LPCAT1: variants seen among roughly 807,000 people sequenced by gnomAD.
LPCAT1 encodes the protein lysophosphatidylcholine acyltransferase 1.
A neutral mutation model predicts 60.9 loss-of-function variants in LPCAT1; 23 were observed. The observed-to-expected ratio is 0.38, with a 90% CI of 0.27 to 0.53. The LOEUF is 0.53. Among genes scored for constraint, LPCAT1 ranks in the 20% least tolerant of loss-of-function variants. LPCAT1 has a pLI of 0.82. For synonymous variants in LPCAT1, 340 were observed against 301.1 expected (o/e 1.13, Z -1.34); for missense variants, 622 against 723.6 (o/e 0.86, Z 1.61).
chr5:1,488,191 A>G (rs1735442398), intron 5 of LPCAT1, among the ~76,000 whole-genome samples, 200 bp downstream of exon 5: 1 of 152,198 alleles, frequency 6.6e-6, no homozygotes, highest in South Asian at 2.1e-4. Context: ...TAACTTCTCC[A>G]TCTTCCTGCA....
rs949307220 is a variant in LPCAT1 at position 1,462,855 on chromosome 5, G to A, written c.*796C>T. On this transcript the variant is annotated 3_prime_UTR_variant, in exon 14 of 14. Transcript: ENST00000283415. Reference sequence around the variant, plus strand: ...AACGTTTATAAAAAAAGAGGGGACTGGAAAAGGATTAAGAAAAGCAGAAAA... The same window carrying A: ...AACGTTTATAAAAAAAGAGGGGACTAGAAAAGGATTAAGAAAAGCAGAAAA... The A allele has an allele frequency of 6.6e-6, 1 of 152,174 alleles. No individual in the cohort carries two copies. Among genetic ancestry groups the A allele is most frequent in the African/African-American group, 2.4e-5 (1 of 41,444 alleles). 9.4% of individuals were successfully genotyped at this position (152,174 alleles called of 1,614,324 possible).
rs749066311 is a variant in LPCAT1 at position 1,477,491 on chromosome 5, G to A, written c.817-5C>T. On this transcript the variant is annotated splice_region_variant and splice_polypyrimidine_tract_variant and intron_variant, in intron 8 of 13. Coordinates refer to ENST00000283415, the MANE Select transcript of LPCAT1 (RefSeq NM_024830.5). This position sits in a 1 kb window ranked among gnomAD's most constrained non-coding sequence, Gnocchi z 6.0. ...AGGGCTGTACACAGGAAGGAACTGA[G>A]CACACAGAGAAGCTGCGTTAGTATC... 6 of 1,609,890 alleles carry A rather than the reference G, an allele frequency of 3.7e-6. No homozygotes were observed. The highest frequency in any genetic ancestry group is 5.1e-6 in the Non-Finnish European group (6 of 1,177,132).
intron 13 of LPCAT1, among the ~76,000 whole-genome samples, chr5:1,464,565 A>AAC (rs201706598): frequency 2.0e-5 from 3 of 152,108 alleles, no homozygotes; most frequent in Admixed American, 6.5e-5. Context: ...CACACATGCA[A>AAC]ACACACACAC....
chr5:1,511,249 G>A (rs941714226), intron 1 of LPCAT1, among the ~76,000 whole-genome samples: 4 of 152,326 alleles, frequency 2.6e-5, no homozygotes, highest in Admixed American at 2.0e-4. Context: ...GCTCTGCGGG[G>A]TTGACCTCCC....
At chr5:1,520,017 C>T (rs1736623203) in intron 1 of LPCAT1, among the ~76,000 whole-genome samples, 2 of 152,270 alleles carry the variant, frequency 1.3e-5, no homozygotes, top group African/African-American at 4.8e-5. Context: ...AAGAGCCAGT[C>T]TTACTGAATC....
Position 1,521,733 on chromosome 5 carries a change from C to T in LPCAT1, c.135+1977G>A, listed in dbSNP as rs1034397514. ...TCAAGCCAGGATCTCTGCCTGGCTT[C>T]GGCCCAAGGGAGAACAGCTGCCCAA... On this transcript the variant is annotated intron_variant, in intron 1 of 13. Coordinates refer to ENST00000283415, the MANE Select transcript of LPCAT1 (RefSeq NM_024830.5). The surrounding 1 kb of genome is among the most constrained non-coding windows in gnomAD (Gnocchi z 4.3). Among the ~76,000 whole-genome samples, 5 of 152,124 alleles carry T rather than the reference C, an allele frequency of 3.3e-5. No individual in the cohort carries two copies. Among genetic ancestry groups the T allele is most frequent in the Non-Finnish European group, 5.9e-5 (4 of 68,014 alleles).
chr5:1,473,385 C>T (rs943807783), intron 11 of LPCAT1, among the ~76,000 whole-genome samples: 4 of 152,264 alleles, frequency 2.6e-5, no homozygotes, highest in Admixed American at 6.5e-5. Flanking sequence ...CCCGCCCCTG[C>T]GTGCCACCTC....
chr5:1,474,475 C>T, intron 10 of LPCAT1, 85 bp downstream of exon 10: 2 of 1,512,794 alleles, frequency 1.3e-6, no homozygotes, highest in Non-Finnish European at 9.0e-7. Context: ...CTCAGTTCCC[C>T]TCCCTGCAAC....
At position 1,523,611 on chromosome 5, in the gene LPCAT1, C is replaced by G. The variant is rs1736743136; in HGVS notation, c.135+99G>C. The G allele has an allele frequency of 1.2e-6, 1 of 866,296 alleles. No individual in the cohort carries two copies. The highest frequency in any genetic ancestry group is 5.9e-5 in the Admixed American group (1 of 16,866). The allele number at this position is 866,296 out of a possible 1,614,324, so 53.7% of individuals were successfully genotyped here. The stretch of plus-strand genomic sequence containing the variant: ...GCGGCTCGCAGGGCCGCGCCGCGCC[C>G]CAGGCCCCCTCCCCGGCCCCTCCTC... On this transcript the variant is annotated intron_variant, in intron 1 of 13. Coordinates refer to ENST00000283415, the MANE Select transcript of LPCAT1 (RefSeq NM_024830.5). This position sits in a 1 kb window ranked among gnomAD's most constrained non-coding sequence, Gnocchi z 7.1.
chr5:1,473,893 C>A (rs1734789454), intron 11 of LPCAT1, 64 bp downstream of exon 11: 8 of 1,566,650 alleles, frequency 5.1e-6, no homozygotes, highest in African/African-American at 1.4e-5. Flanking sequence ...AGAATGAGAA[C>A]AATTTATGCT....
intron 1 of LPCAT1, among the ~76,000 whole-genome samples, chr5:1,515,867 T>C (rs569608290): frequency 1.1e-4 from 17 of 152,134 alleles, no homozygotes; most frequent in African/African-American, 4.1e-4. Flanking sequence ...TCCCTGGCTA[T>C]GGGAGACCCT....
At chr5:1,466,407 A>G (rs1266447092) in intron 13 of LPCAT1, among the ~76,000 whole-genome samples, 2 of 152,070 alleles carry the variant, frequency 1.3e-5, no homozygotes, top group Non-Finnish European at 2.9e-5. Context: ...GGCAGTGACA[A>G]AGCCCACAGC....
intron 1 of LPCAT1, among the ~76,000 whole-genome samples, chr5:1,513,772 C>T (rs1383769503): frequency 6.8e-6 from 1 of 147,452 alleles, no homozygotes; most frequent in Middle Eastern, 3.5e-3. Context: ...ACCCGTGGGG[C>T]GGGACACCCT....
intron 10 of LPCAT1, 63 bp downstream of exon 10, chr5:1,474,497 C>G (rs1296033900): frequency 2.5e-6 from 4 of 1,586,764 alleles, no homozygotes; most frequent in Non-Finnish European, 3.4e-6. Flanking sequence ...CCAGGCAGCC[C>G]CCGCCAGACC....
At position 1,522,094 on chromosome 5, in the gene LPCAT1, G is replaced by A. The variant is rs1736693928; in HGVS notation, c.135+1616C>T. The stretch of plus-strand genomic sequence containing the variant: ...AGGAAGAGAGAGCATGCCTGAGGCA[G>A]CCATAGCTGGGGCAGGAGCAGGGCT... On this transcript the variant is annotated intron_variant, in intron 1 of 13. Coordinates refer to ENST00000283415, the MANE Select transcript of LPCAT1 (RefSeq NM_024830.5). This position sits in a 1 kb window ranked among gnomAD's most constrained non-coding sequence, Gnocchi z 6.8. Among the ~76,000 whole-genome samples, 1 of 152,204 alleles carries A rather than the reference G, an allele frequency of 6.6e-6. No individual in the cohort carries two copies. Among genetic ancestry groups the A allele is most frequent in the African/African-American group, 2.4e-5 (1 of 41,448 alleles).
chr5:1,494,665 G>A, intron 3 of LPCAT1, 35 bp downstream of exon 3: 2 of 1,586,102 alleles, frequency 1.3e-6, no homozygotes. Context: ...CAGCAGGGCA[G>A]GGTCCCTCAC....
In LPCAT1 at chr5:1,517,480, C is replaced by A. The variant is rs544460559; in HGVS notation, c.135+6230G>T. Among the ~76,000 whole-genome samples the A allele has an allele frequency of 5.9e-5, 9 of 152,338 alleles. No homozygotes were observed. The South Asian group carries it at 1.9e-3, about 32-fold the overall frequency. On this transcript the variant is annotated intron_variant, in intron 1 of 13. Transcript: ENST00000283415. Reference sequence around the variant, plus strand: ...ACGGAGTGGGACAGGGAGCCACGTTCTCCGCTGCCTGGGCCCTCCCAGCAC... The same window carrying A: ...ACGGAGTGGGACAGGGAGCCACGTTATCCGCTGCCTGGGCCCTCCCAGCAC...
rs2963274 is a variant in LPCAT1, at chr5:1,523,206, A to C, written c.135+504T>G. Among the ~76,000 whole-genome samples, 118,852 of 151,980 alleles carry C rather than the reference A, an allele frequency of 0.78. 47,076 individuals are homozygous for C. Among genetic ancestry groups the C allele is most frequent in the African/African-American group, 0.91 (37,904 of 41,518 alleles). ...GGCCCCGCACACGAGGCTCACCCAG[A>C]GCCGCGGTGCCCTCCCGCCCGCGGG... On this transcript the variant is annotated intron_variant, in intron 1 of 13. Coordinates refer to ENST00000283415, the MANE Select transcript of LPCAT1 (RefSeq NM_024830.5). This position sits in a 1 kb window ranked among gnomAD's most constrained non-coding sequence, Gnocchi z 7.1.
chr5:1,492,288 T>TGTCTCTGAGCTGGGGCCTGGGGAGAC (rs1735616486), intron 3 of LPCAT1, among the ~76,000 whole-genome samples: 8 of 149,344 alleles, frequency 5.4e-5, no homozygotes, highest in African/African-American at 5.0e-5. Flanking sequence ...CCTGGGGAGA[T>TGTCTCTGAGCTGGGGCCTGGGGAGAC]GTCTCTGAGC....
Sources: gnomAD v4.1 joint callset for allele counts (sites outside exome capture counted in the v4.1 genomes callset) on GRCh38, gnomAD v4.1.1 for gene constraint, Gnocchi (gnomAD v3.1) non-coding constraint, MANE v1.5 for transcripts, NCBI Gene and HGNC (gene_info 2026-07-23, HGNC 2026-07-21) for gene names.